The following LIMS1 variants were observed in gnomAD, a reference collection of about 807,000 sequenced individuals.
LIMS1 encodes the protein LIM and senescent cell antigen-like-containing domain protein 1.
In LIMS1, 18 loss-of-function variants were observed where a neutral mutation model predicts 44.1. That is an observed-to-expected ratio of 0.41 (90% confidence interval 0.28 to 0.61). The LOEUF is 0.61. Ranked by LOEUF, LIMS1 falls within the 20% of genes least tolerant of loss-of-function variation. The pLI, the probability that LIMS1 is intolerant of heterozygous loss-of-function variation, is 0.32. For missense variants in LIMS1, 201 were observed against 422.0 expected (o/e 0.48, Z 4.59); for synonymous variants, 93 against 149.1 (o/e 0.62, Z 2.74).
chr2:108,565,035 C>CT (rs5833292), intron 1 of LIMS1, among the ~76,000 whole-genome samples: 58,822 of 151,926 alleles, frequency 0.39, 12,846 homozygotes, highest in East Asian at 0.89. Flanking sequence ...GACAAAATCT[C>CT]TGAGCTTTCT....
chr2:108,592,884 TC>T (rs1453584613), intron 1 of LIMS1, among the ~76,000 whole-genome samples: 2 of 152,212 alleles, frequency 1.3e-5, no homozygotes, highest in Non-Finnish European at 2.9e-5. Context: ...CAACAAATGT[TC>T]CCCTTTTTAT....
At chr2:108,570,334 G>A (rs541521930) in intron 1 of LIMS1, among the ~76,000 whole-genome samples, 1 of 152,242 alleles carries the variant, frequency 6.6e-6, no homozygotes, top group South Asian at 2.1e-4. Flanking sequence ...GGTGGCTGAA[G>A]TAGGAGAATC....
chr2:108,551,883 ATG>A (rs1333728158), intron 1 of LIMS1, among the ~76,000 whole-genome samples: 1 of 145,428 alleles, frequency 6.9e-6, no homozygotes, highest in Non-Finnish European at 1.5e-5. Flanking sequence ...ATATGTATAT[ATG>A]TGTATATACA....
At chr2:108,569,887 C>T (rs1265114714) in intron 1 of LIMS1, among the ~76,000 whole-genome samples, 2 of 150,956 alleles carry the variant, frequency 1.3e-5, no homozygotes, top group African/African-American at 2.4e-5. Flanking sequence ...AGACATGAGC[C>T]ACTGTGCTCA....
chr2:108,611,867 A>G (rs1004728386), intron 1 of LIMS1, among the ~76,000 whole-genome samples: 1 of 140,340 alleles, frequency 7.1e-6, no homozygotes, highest in Non-Finnish European at 1.6e-5. Flanking sequence ...ACACATATAT[A>G]TACACATATA....
At chr2:108,567,033 C>T (rs1434047228) in intron 1 of LIMS1, among the ~76,000 whole-genome samples, 1 of 152,204 alleles carries the variant, frequency 6.6e-6, no homozygotes, top group Non-Finnish European at 1.5e-5. Flanking sequence ...GCTTTATCCC[C>T]AGCTCCTGGC....
intron 8 of LIMS1, among the ~76,000 whole-genome samples, chr2:108,679,300 G>A (rs191098987): frequency 1.3e-5 from 2 of 151,898 alleles, no homozygotes; most frequent in African/African-American, 4.8e-5. Context: ...CCAACATGGT[G>A]AAACCCCATC....
chr2:108,618,525 C>T (rs1203026107), intron 1 of LIMS1, among the ~76,000 whole-genome samples: 1 of 151,966 alleles, frequency 6.6e-6, no homozygotes, highest in Non-Finnish European at 1.5e-5. Context: ...TCTCTATCTT[C>T]AGTGAAAAGA....
At chr2:108,608,793 CA>C (rs1276449498) in intron 1 of LIMS1, among the ~76,000 whole-genome samples, 1 of 152,130 alleles carries the variant, frequency 6.6e-6, no homozygotes, top group Non-Finnish European at 1.5e-5. Flanking sequence ...TTCTGTCACT[CA>C]CCAGTTGGGA....
At chr2:108,573,766 G>T (rs1463600682) in intron 1 of LIMS1, among the ~76,000 whole-genome samples, 1 of 152,186 alleles carries the variant, frequency 6.6e-6, no homozygotes, top group Non-Finnish European at 1.5e-5. Flanking sequence ...GGAGGAATGA[G>T]CTAGAGAAGG....
At chr2:108,543,612 G>A (rs768905809) in intron 1 of LIMS1, among the ~76,000 whole-genome samples, 5 of 152,090 alleles carry the variant, frequency 3.3e-5, no homozygotes, top group Non-Finnish European at 4.4e-5. Flanking sequence ...CTCAGCACCT[G>A]GACCCATTTA....
At chr2:108,684,195 C>A in exon 10 of LIMS1, 1 of 332,638 alleles carries the variant, frequency 3.0e-6, no homozygotes, top group Non-Finnish European at 5.5e-6. Flanking sequence ...CAGTATTTGC[C>A]TTTGTTAACC....
chr2:108,535,435 G>A (rs1040881531), intron 1 of LIMS1, among the ~76,000 whole-genome samples: 9 of 152,204 alleles, frequency 5.9e-5, no homozygotes, highest in African/African-American at 2.2e-4. Context: ...CTTGCAGTTT[G>A]AATGCAGCTA....
chr2:108,640,662 A>T (rs1048014102), intron 1 of LIMS1, among the ~76,000 whole-genome samples: 2 of 152,182 alleles, frequency 1.3e-5, no homozygotes, highest in Non-Finnish European at 2.9e-5. Flanking sequence ...TTTTTTATTG[A>T]TACATAATAA....
chr2:108,556,674 C>T, intron 1 of LIMS1, among the ~76,000 whole-genome samples: 1 of 152,166 alleles, frequency 6.6e-6, no homozygotes. Flanking sequence ...GTGATCAACT[C>T]AGTATACCAC....
chr2:108,562,393 C>G (rs1685154169), intron 1 of LIMS1, among the ~76,000 whole-genome samples: 1 of 152,148 alleles, frequency 6.6e-6, no homozygotes, highest in African/African-American at 2.4e-5. Context: ...CACCAGTTAG[C>G]CAAGTTGGGA....
At chr2:108,609,231 A>G (rs531808195) in intron 1 of LIMS1, among the ~76,000 whole-genome samples, 114 of 151,996 alleles carry the variant, frequency 7.5e-4, no homozygotes, top group Non-Finnish European at 1.3e-3. Context: ...ATCTTGTTTG[A>G]TTTTTTTCTT....
intron 1 of LIMS1, among the ~76,000 whole-genome samples, chr2:108,585,098 C>T (rs1686041760): frequency 7.2e-6 from 1 of 139,830 alleles, no homozygotes; most frequent in South Asian, 2.3e-4. Flanking sequence ...CTGCAACGAG[C>T]TGAGATCACT....
At chr2:108,629,158 G>T (rs1051407491) in intron 1 of LIMS1, among the ~76,000 whole-genome samples, 4 of 152,170 alleles carry the variant, frequency 2.6e-5, no homozygotes, top group Admixed American at 6.5e-5. Flanking sequence ...TAATTGATCG[G>T]GGTAATGAGA....
Sources: allele counts gnomAD v4.1 joint callset (sites outside exome capture counted in the v4.1 genomes callset), GRCh38; gene constraint gnomAD v4.1.1; transcripts MANE v1.5; gene names NCBI Gene and HGNC (gene_info 2026-07-23, HGNC 2026-07-21).